The following LONRF2 variants were observed in gnomAD, a reference collection of about 807,000 sequenced individuals.
LONRF2 encodes the protein LON peptidase N-terminal domain and RING finger protein 2.
Under a neutral mutation model 66.6 loss-of-function variants are expected in LONRF2, and 35 were observed. That is an observed-to-expected ratio of 0.53 (90% CI 0.40 to 0.70). The LOEUF is 0.70. LONRF2 is among the 30% of genes least tolerant of loss of function. LONRF2 has a pLI of 0.00. For missense variants in LONRF2, 902 were observed against 1,002.1 expected, an observed-to-expected ratio of 0.90 and a Z score of 1.35; for synonymous variants, 417 against 418.1, an observed-to-expected ratio of 1.00 and a Z score of 0.03.
chr2:100,287,180 ATCAGTTTC>A, intron 10 of LONRF2, 117 bp from the exon 11 acceptor site: 1 of 984,212 alleles, frequency 1.0e-6, no homozygotes, highest in Admixed American at 3.5e-5. Context: ...TTAATAATTC[ATCAGTTTC>A]ACAAAAATGG....
At chr2:100,290,892 C>T (rs181015908) in intron 9 of LONRF2, among the ~76,000 whole-genome samples, 113 of 152,254 alleles carry the variant, frequency 7.4e-4, no homozygotes, top group Admixed American at 6.1e-3. Context: ...AAGCAACACA[C>T]GGAGCAGTTT....
chr2:100,300,721 T>C lies in LONRF2; in HGVS notation c.988A>G (p.Ser330Gly), dbSNP rs1352867885. 6 of 1,613,790 alleles carry C rather than the reference T, an allele frequency of 3.7e-6. No homozygotes were observed. Among genetic ancestry groups the C allele is most frequent in the South Asian group, 1.1e-5 (1 of 90,968 alleles). Residue 330 changes from serine to glycine, a missense_variant, in exon 4 of 12, where the codon AGC becomes GGC. By Grantham distance (56) the Ser-to-Gly change is moderately conservative. Around this residue, in one of 2 missense-constraint regions of LONRF2, gnomAD observed 585 missense variants for 569.9 expected, o/e 1.03. Coordinates refer to ENST00000393437, the MANE Select transcript of LONRF2 (RefSeq NM_198461.4). ...CTGTGACCCTGAGCCTTTAATCTGC[T>C]TTGGATGGAAGATGTTAAATTTTCA... ...VHENLTSSIQ[S>G]RLKAQGHSHM...
In LONRF2 at chr2:100,290,291, G is replaced by A. The variant is rs1674932501; in HGVS notation, c.1887C>T (p.Asn629=). The change falls in exon 10 of 12, where the codon AAC becomes AAT. Residue 629 remains asparagine, a synonymous_variant. Transcript: ENST00000393437. ...CTTCAAGATATTCAATGTCCGCTGT[G>A]TTATAGCCATCTCTGTGGCGGTGGC... ...VLSHRHRDGY[N]TADIEYLEDE... 6.2e-7 allele frequency: 1 copy of A among 1,613,998 alleles called. No individual in the cohort carries two copies. Among genetic ancestry groups the A allele is most frequent in the Non-Finnish European group, 8.5e-7 (1 of 1,180,018 alleles).
chr2:100,295,476 A>C lies in LONRF2; in HGVS notation c.1554T>G (p.Ser518=). ...LIFRYLPDEL[S]DRKRIYDEEM... The stretch of plus-strand genomic sequence containing the variant: ...CTTCATCATAAATTCTCTTCCTATC[A>C]GACAATTCATCCGGCAAATATCGAA... The change falls in exon 8 of 12, where the codon TCT becomes TCG. Residue 518 remains serine, a synonymous_variant. Coordinates refer to ENST00000393437, the MANE Select transcript of LONRF2 (RefSeq NM_198461.4). 6.2e-7 allele frequency: 1 copy of C among 1,613,858 alleles called. No homozygotes were observed. The highest frequency in any genetic ancestry group is 1.1e-5 in the South Asian group (1 of 91,044).
At chr2:100,299,097 T>C in intron 6 of LONRF2, 129 bp downstream of exon 6, 2 of 861,826 alleles carry the variant, frequency 2.3e-6, no homozygotes, top group Non-Finnish European at 3.6e-6. Context: ...ATTAAATCTT[T>C]AGAAAATAAA....
intron 1 of LONRF2, among the ~76,000 whole-genome samples, chr2:100,309,697 G>A (rs747388065): frequency 6.6e-5 from 10 of 151,330 alleles, no homozygotes; most frequent in Non-Finnish European, 1.5e-4. Flanking sequence ...TTCAGACATC[G>A]AGTCTCGCTC....
chr2:100,287,785 G>A (rs1674877559), intron 10 of LONRF2, among the ~76,000 whole-genome samples: 2 of 152,160 alleles, frequency 1.3e-5, no homozygotes, highest in African/African-American at 2.4e-5. Flanking sequence ...TGGGAATCAC[G>A]GGGCCAGGGT....
At chr2:100,301,483 G>A (rs897624917) in intron 3 of LONRF2, among the ~76,000 whole-genome samples, 3 of 152,202 alleles carry the variant, frequency 2.0e-5, no homozygotes, top group Non-Finnish European at 2.9e-5. Context: ...AGGTGAGTGC[G>A]CTAGAATCCA....
chr2:100,309,627 A>G (rs1021215178), intron 1 of LONRF2: 1 of 152,632 alleles, frequency 6.6e-6, no homozygotes, highest in African/African-American at 2.4e-5. Flanking sequence ...TTATGAAAGT[A>G]TGCAAGGAAA....
In LONRF2 at chr2:100,273,450, ACAACACT is replaced by A. The variant is rs2105703187; in HGVS notation, c.*10841_*10847del. On this transcript the variant is annotated 3_prime_UTR_variant, in exon 12 of 12. Transcript: ENST00000393437. ...TGTGATTATTTATTAAAGAACATTT[ACAACACT>A]GTAAGTTTTATTCAGTTCAAATATC... 6.6e-6 allele frequency: 1 copy of A among 152,378 alleles called. No homozygotes were observed. Among genetic ancestry groups the A allele is most frequent in the African/African-American group, 2.4e-5 (1 of 41,594 alleles). 9.4% of individuals were successfully genotyped at this position (152,378 alleles called of 1,614,324 possible). A position where few individuals can be genotyped will look rare whatever the true frequency, so the allele number is the denominator to read the frequency against.
rs1675656358 is a variant in LONRF2, at chr2:100,322,272, G to A, written c.-179C>T. ...GGGCGGGGGCGGGCGCCTGGCTTGG[G>A]CAGCGTCCTCAGCGCGGTGTGGGCG... On this transcript the variant is annotated 5_prime_UTR_variant, in exon 1 of 12. Coordinates refer to ENST00000393437, the MANE Select transcript of LONRF2 (RefSeq NM_198461.4). 1 of 515,414 alleles carries A rather than the reference G, an allele frequency of 1.9e-6. No homozygotes were observed. The highest frequency in any genetic ancestry group is 2.9e-6 in the Non-Finnish European group (1 of 349,436). 31.9% of individuals were successfully genotyped at this position (515,414 alleles called of 1,614,324 possible).
At chr2:100,296,122 G>C (rs1675061403) in intron 7 of LONRF2, among the ~76,000 whole-genome samples, 1 of 152,076 alleles carries the variant, frequency 6.6e-6, no homozygotes. Flanking sequence ...AGGGAAGGTA[G>C]GAGACTGAAC....
chr2:100,299,835 A>G lies in LONRF2; in HGVS notation c.1149T>C (p.Asp383=). ...GAAGGATGCTTTCTAACGCCTTTTT[A>G]TCCTCTTCAAAGTGTAGACCCAGTA... ...YFILGLHFEE[D]KKALESILPT... The change falls in exon 5 of 12, where the codon GAT becomes GAC. Residue 383 remains aspartate, a synonymous_variant. Transcript: ENST00000393437. The G allele has an allele frequency of 2.5e-6, 4 of 1,613,270 alleles. No individual in the cohort carries two copies. The highest frequency in any genetic ancestry group is 3.4e-6 in the Non-Finnish European group (4 of 1,179,348).
At chr2:100,287,084 A>T (rs773878148) in intron 10 of LONRF2, 21 bp from the exon 11 acceptor site, 13 of 1,611,728 alleles carry the variant, frequency 8.1e-6, no homozygotes, top group Non-Finnish European at 1.1e-5. Flanking sequence ...AAAGAGGCAC[A>T]GCTGTGTGAA....
chr2:100,322,272 G>T lies in LONRF2; in HGVS notation c.-179C>A. Reference sequence around the variant, plus strand: ...GGGCGGGGGCGGGCGCCTGGCTTGGGCAGCGTCCTCAGCGCGGTGTGGGCG... The same window carrying T: ...GGGCGGGGGCGGGCGCCTGGCTTGGTCAGCGTCCTCAGCGCGGTGTGGGCG... On this transcript the variant is annotated 5_prime_UTR_variant, in exon 1 of 12. Coordinates refer to ENST00000393437, the MANE Select transcript of LONRF2 (RefSeq NM_198461.4). 1 of 515,414 alleles carries T rather than the reference G, an allele frequency of 1.9e-6. No homozygotes were observed. The highest frequency in any genetic ancestry group is 2.9e-6 in the Non-Finnish European group (1 of 349,436). The allele number at this position is 515,414 out of a possible 1,614,324, so 31.9% of individuals were successfully genotyped here. A position where few individuals can be genotyped will look rare whatever the true frequency, so the allele number is the denominator to read the frequency against.
In LONRF2 at chr2:100,290,239, C is replaced by T. The variant is rs972335336; in HGVS notation, c.1920+19G>A. The T allele has an allele frequency of 1.9e-6, 3 of 1,600,244 alleles. No individual in the cohort carries two copies. Among genetic ancestry groups the T allele is most frequent in the Non-Finnish European group, 2.6e-6 (3 of 1,172,810 alleles). ...AGAGGACCGACTGCTATAAAATACA[C>T]CAGTATGATAAGCCTTACCTTTTCA... On this transcript the variant is annotated intron_variant, in intron 10 of 11. Coordinates refer to ENST00000393437, the MANE Select transcript of LONRF2 (RefSeq NM_198461.4).
At chr2:100,299,104 T>C in intron 6 of LONRF2, 122 bp downstream of exon 6, 1 of 859,750 alleles carries the variant, frequency 1.2e-6, no homozygotes, top group South Asian at 1.8e-5. Context: ...CTTTAGAAAA[T>C]AAATCAATTA....
rs77233111 is a variant in LONRF2, at chr2:100,292,962, G to A, written c.1757+1267C>T. On this transcript the variant is annotated intron_variant, in intron 9 of 11. Coordinates refer to ENST00000393437, the MANE Select transcript of LONRF2 (RefSeq NM_198461.4). ...TCATACAATTGTCTATAAATTTGGC[G>A]TCCACATATGAGTGGACCTGTTTCG... 3.5e-3 allele frequency among the ~76,000 whole-genome samples: 534 copies of A among 152,092 alleles called. 2 individuals carry two copies. The highest frequency in any genetic ancestry group is 6.8e-3 in the South Asian group (33 of 4,820).
chr2:100,301,519 A>T (rs1429514073), intron 3 of LONRF2, among the ~76,000 whole-genome samples: 2 of 152,228 alleles, frequency 1.3e-5, no homozygotes, highest in African/African-American at 4.8e-5. Context: ...GCGCACCACC[A>T]CCCTCAGCAG....
Sources: allele counts gnomAD v4.1 joint callset (sites outside exome capture counted in the v4.1 genomes callset), GRCh38; gene constraint gnomAD v4.1.1; regional missense constraint gnomAD v4.1.1; transcripts MANE v1.5; gene names NCBI Gene and HGNC (gene_info 2026-07-23, HGNC 2026-07-21).